SFTPD: variants seen among roughly 807,000 people sequenced by gnomAD.
SFTPD encodes surfactant protein D, also known as pulmonary surfactant-associated protein D.
Under a neutral mutation model 34.6 loss-of-function variants are expected in SFTPD, and 18 were observed. The ratio of observed to expected loss-of-function variants is 0.52; its 90% CI spans 0.36 to 0.77. The LOEUF (loss-of-function observed/expected upper bound fraction) is 0.77. SFTPD is among the 30% of genes least tolerant of loss of function. The pLI is 0.00. For missense variants in SFTPD, 433 were observed against 468.9 expected (o/e 0.92, Z 0.71); for synonymous variants, 155 against 180.9 (o/e 0.86, Z 1.15).
rs368705410 is a variant in SFTPD, at chr10:79,961,664, A to G, written c.37-15002T>C. Among the ~76,000 whole-genome samples, 19 of 152,278 alleles carry G rather than the reference A, an allele frequency of 1.2e-4. No individual in the cohort carries two copies. The South Asian group carries it at 2.1e-3, about 17-fold the overall frequency. ...AAACAACAGGTGCTGGAGAGGATGT[A>G]GAGAAATAGGAACACTTTTACACTG... is the stretch of plus-strand genomic sequence containing the variant. On this transcript the variant is annotated intron_variant, in intron 1 of 5. Transcript: ENST00000444384.
intron 1 of SFTPD, chr10:79,969,977 G>C (rs76964550): frequency 6.6e-6 from 1 of 152,046 alleles, no homozygotes; most frequent in Non-Finnish European, 1.5e-5. Context: ...GTCATGGACT[G>C]TTCCCCGTGT....
At chr10:79,942,921 C>A (rs763913541) in intron 2 of SFTPD, 42 bp from the exon 3 acceptor site, 5 of 1,240,312 alleles carry the variant, frequency 4.0e-6, no homozygotes, top group Non-Finnish European at 3.6e-6. Context: ...GGCCCTAGAC[C>A]CAGAAAGGGC....
intron 1 of SFTPD, among the ~76,000 whole-genome samples, chr10:79,962,802 C>A (rs1842780876): frequency 6.6e-6 from 1 of 152,270 alleles, no homozygotes; most frequent in Non-Finnish European, 1.5e-5. Flanking sequence ...ATGTATTCAA[C>A]TCCGTGCATA....
At chr10:79,949,553 T>C (rs1048429055), upstream of SFTPD, among the ~76,000 whole-genome samples, 17 of 152,210 alleles carry the variant, frequency 1.1e-4, no homozygotes, top group Non-Finnish European at 2.1e-4. Flanking sequence ...TGAGAGCTGC[T>C]TGGAATACCT....
At chr10:79,969,254 T>C (rs1842821560) in intron 1 of SFTPD, 1 of 152,190 alleles carries the variant, frequency 6.6e-6, no homozygotes, top group Admixed American at 6.5e-5. Context: ...GGCCTGTGGA[T>C]CACAAGGTCA....
At chr10:79,959,487 C>T (rs916444412) in intron 1 of SFTPD, among the ~76,000 whole-genome samples, 1 of 152,172 alleles carries the variant, frequency 6.6e-6, no homozygotes, top group Admixed American at 6.5e-5. Flanking sequence ...CACAGAAATA[C>T]AAACTACCAT....
rs1335068395 is a variant in SFTPD at position 79,941,092 on chromosome 10, T to C, written c.668-304A>G. On this transcript the variant is annotated intron_variant, in intron 6 of 7. Coordinates refer to ENST00000372292, the MANE Select transcript of SFTPD (RefSeq NM_003019.5). ...GGGGTTGCTGGGCAGGAATACACAC[T>C]CATGTGTTTCCTATCCACTGGGTTT... is the stretch of plus-strand genomic sequence containing the variant. 2.0e-5 allele frequency among the ~76,000 whole-genome samples: 3 copies of C among 152,208 alleles called. No individual in the cohort carries two copies. The East Asian group carries it at 5.8e-4, about 29-fold the overall frequency.
chr10:79,961,117 C>A (rs562550004), intron 1 of SFTPD, among the ~76,000 whole-genome samples: 12 of 152,200 alleles, frequency 7.9e-5, no homozygotes, highest in Non-Finnish European at 1.3e-4. Context: ...AACTGGATCC[C>A]TTCCTTACAC....
chr10:79,953,683 C>T (rs1195877256), upstream of SFTPD, among the ~76,000 whole-genome samples: 1 of 151,908 alleles, frequency 6.6e-6, no homozygotes, highest in Non-Finnish European at 1.5e-5. Context: ...CTGTTTCCTT[C>T]CCTAAATTTG....
intron 1 of SFTPD, among the ~76,000 whole-genome samples, chr10:79,978,392 C>G (rs1459481279): frequency 1.3e-5 from 2 of 152,180 alleles, no homozygotes; most frequent in Non-Finnish European, 2.9e-5. Flanking sequence ...TGGCTCATGC[C>G]TGTAATCCTA....
intron 1 of SFTPD, among the ~76,000 whole-genome samples, chr10:79,958,121 G>C (rs180707817): frequency 0.017 from 2,554 of 152,240 alleles, 81 homozygotes; most frequent in African/African-American, 0.059. Context: ...GTCAACACCA[G>C]GCCTGCCCTA....
intron 1 of SFTPD, chr10:79,969,329 C>G (rs1312787421): frequency 2.6e-5 from 4 of 152,080 alleles, no homozygotes; most frequent in Non-Finnish European, 5.9e-5. Context: ...CAAAAATTAG[C>G]CTGGCATGGT....
In SFTPD at chr10:79,947,378, C is replaced by G. The variant is rs534341010; in HGVS notation, c.-3-716G>C. Among the ~76,000 whole-genome samples, 5 of 152,240 alleles carry G rather than the reference C, an allele frequency of 3.3e-5. No homozygotes were observed. In the East Asian group the frequency reaches 9.7e-4, roughly 29 times the overall value. On this transcript the variant is annotated intron_variant, in intron 1 of 7. Coordinates refer to ENST00000372292, the MANE Select transcript of SFTPD (RefSeq NM_003019.5). ...GAGACACCTAGAGTTCTTCTAAGAC[C>G]TGAGAGGGTTTGGAAAAGAAGTATG...
At position 79,941,969 on chromosome 10, in the gene SFTPD, T is replaced by C. The variant is rs755772159; in HGVS notation, c.535A>G (p.Asn179Asp). 3 of 1,610,932 alleles carry C rather than the reference T, an allele frequency of 1.9e-6. No homozygotes were observed. The East Asian group carries it at 6.7e-5, about 36-fold the overall frequency. The change falls in exon 5 of 8, where the codon AAC becomes GAC. Residue 179 changes from asparagine to aspartate, a missense_variant. Transcript: ENST00000372292. ...GVPGERGVPG[N>D]TGAAGSAGAM... The stretch of plus-strand genomic sequence containing the variant: ...CACTGCTCACCTGCTGCCCCTGTGT[T>C]TCCAGGGACTCCACGCTCACCAGGG...
intron 2 of SFTPD, among the ~76,000 whole-genome samples, chr10:79,945,317 C>A (rs557570360): frequency 1.3e-5 from 2 of 152,260 alleles, no homozygotes; most frequent in East Asian, 3.9e-4. Flanking sequence ...CTGGGATCCC[C>A]CCTGGACAGC....
At chr10:79,952,477 G>A (rs1842715762), upstream of SFTPD, among the ~76,000 whole-genome samples, 16 of 152,314 alleles carry the variant, frequency 1.1e-4, no homozygotes, top group South Asian at 3.3e-3. Context: ...TGTCTCTGCT[G>A]GGAGGGGCAC....
intron 4 of SFTPD, 65 bp downstream of exon 4, chr10:79,942,323 T>A (rs1468041302): frequency 2.6e-6 from 3 of 1,136,110 alleles, no homozygotes; most frequent in Admixed American, 1.7e-5. Flanking sequence ...ACGCCTCAGG[T>A]CATATCATGG....
At chr10:79,946,304 C>T (rs1290905596) in intron 2 of SFTPD, among the ~76,000 whole-genome samples, 157 bp downstream of exon 2, 1 of 152,186 alleles carries the variant, frequency 6.6e-6, no homozygotes, top group Non-Finnish European at 1.5e-5. Flanking sequence ...AGCACAGCCA[C>T]TTGTTTGCCA....
chr10:79,982,251 C>T (rs1487559574), intron 1 of SFTPD: 3 of 910,664 alleles, frequency 3.3e-6, no homozygotes, highest in East Asian at 3.7e-5. Context: ...AATGGGACCG[C>T]GGGCGGCGGC....
Sources: gnomAD v4.1 joint callset for allele counts (sites outside exome capture counted in the v4.1 genomes callset) on GRCh38, gnomAD v4.1.1 for gene constraint, MANE v1.5 for transcripts, NCBI Gene and HGNC (gene_info 2026-07-23, HGNC 2026-07-21) for gene names.